Variants in AGBL4 observed in about 807,000 individuals in gnomAD.
AGBL4 encodes the protein AGBL carboxypeptidase 4.
AGBL4 carries 58 observed loss-of-function variants against 66.4 expected under a neutral mutation model. The observed-to-expected ratio is 0.87, with a 90% CI of 0.71 to 1.09. The LOEUF is 1.09. Ranked by LOEUF, AGBL4 falls within the 50% of genes least tolerant of loss-of-function variation. The pLI is 0.00. For missense variants in AGBL4, 579 were observed against 631.0 expected, an observed-to-expected ratio of 0.92 and a Z score of 0.88; for synonymous variants, 234 against 222.9, an observed-to-expected ratio of 1.05 and a Z score of -0.44.
chr1:49,736,279 CAAGAG>C (rs1649883773), intron 2 of AGBL4, among the ~76,000 whole-genome samples: 1 of 151,636 alleles, frequency 6.6e-6, no homozygotes, highest in Non-Finnish European at 1.5e-5. Context: ...TGAAAAAAAG[CAAGAG>C]AAGAGTGACT....
chr1:49,835,716 T>C (rs893799025), intron 2 of AGBL4, among the ~76,000 whole-genome samples: 2 of 152,192 alleles, frequency 1.3e-5, no homozygotes, highest in African/African-American at 4.8e-5. Context: ...GTACCAGTTT[T>C]TCCTTTCCAT....
At chr1:49,736,832 T>C (rs527922210) in intron 2 of AGBL4, among the ~76,000 whole-genome samples, 27 of 151,550 alleles carry the variant, frequency 1.8e-4, no homozygotes, top group Admixed American at 4.6e-4. Flanking sequence ...AAAAAAAAAC[T>C]TCATTAAGAA....
chr1:49,746,122 A>T (rs951210421), intron 2 of AGBL4, among the ~76,000 whole-genome samples: 2 of 151,986 alleles, frequency 1.3e-5, no homozygotes, highest in African/African-American at 4.8e-5. Context: ...TCATCAGTAT[A>T]GCCTCAGCGT....
chr1:49,115,051 GAAACAA>G (rs1645488411), intron 4 of AGBL4, among the ~76,000 whole-genome samples: 3 of 151,878 alleles, frequency 2.0e-5, no homozygotes, highest in Non-Finnish European at 4.4e-5. Flanking sequence ...CCTTAAATTT[GAAACAA>G]AAACAAAAAT....
chr1:49,451,825 GA>G (rs1336271706), intron 3 of AGBL4, among the ~76,000 whole-genome samples: 4 of 151,740 alleles, frequency 2.6e-5, no homozygotes, highest in African/African-American at 9.7e-5. Context: ...TAGAGTAAAG[GA>G]AAAAATTACC....
chr1:49,712,392 A>T, intron 2 of AGBL4, among the ~76,000 whole-genome samples: 1 of 151,930 alleles, frequency 6.6e-6, no homozygotes, highest in East Asian at 1.9e-4. Flanking sequence ...TCGTCTTTTT[A>T]AAAGTTGAAT....
chr1:49,974,091 T>C (rs1658364580), intron 1 of AGBL4, among the ~76,000 whole-genome samples: 1 of 152,116 alleles, frequency 6.6e-6, no homozygotes. Flanking sequence ...AAACACATTT[T>C]TGAGATTTGA....
intron 5 of AGBL4, among the ~76,000 whole-genome samples, chr1:48,907,580 A>T (rs779779790): frequency 6.6e-6 from 1 of 152,166 alleles, no homozygotes; most frequent in African/African-American, 2.4e-5. Context: ...GCTCTAGCCT[A>T]CGCAATTCAT....
chr1:48,950,800 T>A (rs1387868209), intron 5 of AGBL4, among the ~76,000 whole-genome samples: 1 of 152,194 alleles, frequency 6.6e-6, no homozygotes, highest in Non-Finnish European at 1.5e-5. Context: ...TAATCTGCCC[T>A]AGCTTGCTGT....
intron 9 of AGBL4, among the ~76,000 whole-genome samples, chr1:48,627,247 C>T (rs752488429): frequency 4.8e-4 from 73 of 152,256 alleles, no homozygotes; most frequent in Non-Finnish European, 7.6e-4. Flanking sequence ...GGTGAAACTG[C>T]GCTGTGTGTT....
chr1:49,678,608 C>G (rs1026052043), intron 3 of AGBL4, among the ~76,000 whole-genome samples: 1 of 151,964 alleles, frequency 6.6e-6, no homozygotes, highest in Non-Finnish European at 1.5e-5. Context: ...ATACATTGCC[C>G]TCTCAGTACT....
intron 5 of AGBL4, among the ~76,000 whole-genome samples, chr1:49,031,849 C>G (rs1571275946): frequency 6.6e-6 from 1 of 151,968 alleles, no homozygotes; most frequent in African/African-American, 2.4e-5. Context: ...TAAAAATCTT[C>G]TAAAGAAAAA....
chr1:49,122,310 C>T (rs1224158821), intron 4 of AGBL4, among the ~76,000 whole-genome samples: 1 of 151,876 alleles, frequency 6.6e-6, no homozygotes, highest in Non-Finnish European at 1.5e-5. Flanking sequence ...CTGGGAGCTG[C>T]AGACCGGAGC....
At chr1:49,532,058 G>A (rs1022497580) in intron 3 of AGBL4, among the ~76,000 whole-genome samples, 2 of 152,094 alleles carry the variant, frequency 1.3e-5, no homozygotes, top group African/African-American at 4.8e-5. Context: ...TCTTTTGTTA[G>A]TTCCCCTTCA....
chr1:48,938,837 A>T (rs1297911531), intron 5 of AGBL4, among the ~76,000 whole-genome samples: 1 of 152,024 alleles, frequency 6.6e-6, no homozygotes. Flanking sequence ...TTCCCCCAAT[A>T]TTTGTGTTTA....
At chr1:48,959,110 G>A (rs766865862) in intron 5 of AGBL4, among the ~76,000 whole-genome samples, 5 of 152,164 alleles carry the variant, frequency 3.3e-5, no homozygotes, top group South Asian at 2.1e-4. Context: ...TCTGGATAGC[G>A]TAGGAAGAGC....
intron 3 of AGBL4, among the ~76,000 whole-genome samples, chr1:49,286,266 G>A (rs1644407106): frequency 2.0e-5 from 3 of 151,926 alleles, no homozygotes; most frequent in East Asian, 1.9e-4. Context: ...TACTGAATGG[G>A]CAAAAACTGG....
intron 6 of AGBL4, among the ~76,000 whole-genome samples, chr1:48,702,187 G>A (rs1646812764): frequency 6.6e-6 from 1 of 152,128 alleles, no homozygotes; most frequent in Admixed American, 6.5e-5. Flanking sequence ...CGGTTTAGAC[G>A]ACCCGCCTTC....
chr1:49,151,051 G>A (rs558878214), intron 4 of AGBL4, among the ~76,000 whole-genome samples: 16 of 151,930 alleles, frequency 1.1e-4, no homozygotes, highest in Non-Finnish European at 1.6e-4. Context: ...GGTGGATCAC[G>A]AAGTCAGGAG....
Sources: gnomAD v4.1 joint callset for allele counts (sites outside exome capture counted in the v4.1 genomes callset) on GRCh38, gnomAD v4.1.1 for gene constraint, MANE v1.5 for transcripts, NCBI Gene and HGNC (gene_info 2026-07-23, HGNC 2026-07-21) for gene names.